The following SRD5A2 variants were observed in gnomAD, a reference collection of about 807,000 sequenced individuals.
SRD5A2 encodes the protein steroid 5 alpha-reductase 2.
SRD5A2 carries 30 observed loss-of-function variants against 27.4 expected under a neutral mutation model. That is an observed-to-expected ratio of 1.10 (90% CI 0.82 to 1.49). SRD5A2 has a LOEUF of 1.49. Ranked by LOEUF, SRD5A2 falls within the 40% of genes most tolerant of loss-of-function variation. The pLI, the probability that SRD5A2 is intolerant of heterozygous loss-of-function variation, is 0.00. For synonymous variants in SRD5A2, 141 were observed against 133.6 expected, an observed-to-expected ratio of 1.06 and a Z score of -0.38; for missense variants, 348 against 323.4, an observed-to-expected ratio of 1.08 and a Z score of -0.58.
At chr2:31,661,459 C>G in the SRD5A2 span, among the ~76,000 whole-genome samples, 1 of 152,148 alleles carries the variant, frequency 6.6e-6, no homozygotes, top group Admixed American at 6.6e-5. Flanking sequence ...CTGTCCTGTG[C>G]TACACAAGGA....
At chr2:31,568,427 G>A (rs1159803467) in intron 1 of SRD5A2, among the ~76,000 whole-genome samples, 1 of 152,192 alleles carries the variant, frequency 6.6e-6, no homozygotes, top group Non-Finnish European at 1.5e-5. Flanking sequence ...GAGGCTCTCG[G>A]GAGACCCAAA....
At chr2:31,596,318 G>A in the SRD5A2 span, among the ~76,000 whole-genome samples, 45 of 150,600 alleles carry the variant, frequency 3.0e-4, no homozygotes, top group Non-Finnish European at 4.6e-4. Context: ...AACCCTGGAG[G>A]TGGAGGTTGC....
chr2:31,593,929 T>C, the SRD5A2 span, among the ~76,000 whole-genome samples: 110 of 152,316 alleles, frequency 7.2e-4, no homozygotes, highest in East Asian at 1.3e-3. Context: ...CCAAGAATTT[T>C]GATTCCACTG....
At chr2:31,564,304 A>T (rs1666685755) in intron 1 of SRD5A2, among the ~76,000 whole-genome samples, 1 of 152,028 alleles carries the variant, frequency 6.6e-6, no homozygotes, top group Non-Finnish European at 1.5e-5. Context: ...AACAGATAAG[A>T]CATTGTAGAA....
upstream of SRD5A2, among the ~76,000 whole-genome samples, chr2:31,584,312 G>C (rs886988753): frequency 1.3e-4 from 20 of 152,124 alleles, no homozygotes; most frequent in African/African-American, 4.8e-4. Context: ...TCCCCCAAAG[G>C]ATCAAGATGA....
chr2:31,631,677 A>C, the SRD5A2 span, among the ~76,000 whole-genome samples: 1 of 152,168 alleles, frequency 6.6e-6, no homozygotes, highest in Non-Finnish European at 1.5e-5. Context: ...GGAGAGATAT[A>C]ATGTTACTGC....
At chr2:31,594,160 G>A in the SRD5A2 span, among the ~76,000 whole-genome samples, 3 of 152,030 alleles carry the variant, frequency 2.0e-5, no homozygotes, top group African/African-American at 7.2e-5. Context: ...AGATATTCAG[G>A]CAACAACTAG....
At chr2:31,560,374 T>C (rs1204086659) in intron 1 of SRD5A2, among the ~76,000 whole-genome samples, 3 of 152,192 alleles carry the variant, frequency 2.0e-5, no homozygotes, top group African/African-American at 7.2e-5. Flanking sequence ...CCATCTCCTG[T>C]CCATCTTCCC....
chr2:31,662,961 T>C, the SRD5A2 span, among the ~76,000 whole-genome samples: 1 of 152,182 alleles, frequency 6.6e-6, no homozygotes, highest in Non-Finnish European at 1.5e-5. Flanking sequence ...GGAGGAAAGT[T>C]GGTCTAATAT....
chr2:31,561,803 A>T (rs1037185627), intron 1 of SRD5A2, among the ~76,000 whole-genome samples: 8 of 152,274 alleles, frequency 5.3e-5, no homozygotes, highest in African/African-American at 1.7e-4. Context: ...TTTTAAAAAA[A>T]TTTTTAATAC....
chr2:31,628,495 G>A, the SRD5A2 span, among the ~76,000 whole-genome samples: 1 of 152,072 alleles, frequency 6.6e-6, no homozygotes, highest in African/African-American at 2.4e-5. Flanking sequence ...TGATATGTGT[G>A]GATTCGATCC....
At position 31,535,655 on chromosome 2, in the gene SRD5A2, G is replaced by A. The variant is rs751392826; in HGVS notation, c.282-1889C>T. Among the ~76,000 whole-genome samples the A allele has an allele frequency of 1.5e-4, 23 of 152,114 alleles. 1 individual carries two copies. The highest frequency in any genetic ancestry group is 4.8e-4 in the African/African-American group (20 of 41,420). Reference sequence around the variant, plus strand: ...CACCTGGACTCAGGTCTACTATGTCGTCTGCAGAATGCCTCCCACCCCACC... The same window carrying A: ...CACCTGGACTCAGGTCTACTATGTCATCTGCAGAATGCCTCCCACCCCACC... On this transcript the variant is annotated intron_variant, in intron 1 of 4. Transcript: ENST00000622030.
chr2:31,605,455 A>C, the SRD5A2 span, among the ~76,000 whole-genome samples: 2 of 146,402 alleles, frequency 1.4e-5, no homozygotes, highest in Non-Finnish European at 3.0e-5. Context: ...AGGAAAAAAA[A>C]CCTAATAACT....
At chr2:31,584,232 T>C (rs914132380), upstream of SRD5A2, among the ~76,000 whole-genome samples, 3 of 152,150 alleles carry the variant, frequency 2.0e-5, no homozygotes, top group Non-Finnish European at 4.4e-5. Context: ...GGTTTAGTAG[T>C]AGAAATGATC....
At chr2:31,648,644 A>G in the SRD5A2 span, among the ~76,000 whole-genome samples, 1 of 152,234 alleles carries the variant, frequency 6.6e-6, no homozygotes, top group Non-Finnish European at 1.5e-5. Flanking sequence ...TAAAAGAAAA[A>G]GAATCTATTC....
chr2:31,642,874 A>AGT, the SRD5A2 span, among the ~76,000 whole-genome samples: 1 of 152,132 alleles, frequency 6.6e-6, no homozygotes, highest in Non-Finnish European at 1.5e-5. Flanking sequence ...CTATTGACAC[A>AGT]TGCAAAATTG....
intron 1 of SRD5A2, among the ~76,000 whole-genome samples, chr2:31,544,517 C>T (rs1324121141): frequency 6.6e-6 from 1 of 151,756 alleles, no homozygotes; most frequent in African/African-American, 2.4e-5. Context: ...ATGAAAATGA[C>T]AACATAACAT....
At chr2:31,547,447 G>T (rs1379647685) in intron 1 of SRD5A2, among the ~76,000 whole-genome samples, 1 of 152,194 alleles carries the variant, frequency 6.6e-6, no homozygotes, top group African/African-American at 2.4e-5. Flanking sequence ...TGGTGGACTG[G>T]GTGGAGAAGA....
chr2:31,608,637 T>C, the SRD5A2 span, among the ~76,000 whole-genome samples: 1 of 151,814 alleles, frequency 6.6e-6, no homozygotes, highest in Non-Finnish European at 1.5e-5. Flanking sequence ...AAAGAAAACC[T>C]GAAATGAAAT....
Sources: allele counts gnomAD v4.1 joint callset (sites outside exome capture counted in the v4.1 genomes callset), GRCh38; gene constraint gnomAD v4.1.1; transcripts MANE v1.5; gene names NCBI Gene and HGNC (gene_info 2026-07-23, HGNC 2026-07-21).